The following MYO15B variants were observed in gnomAD, a reference collection of about 807,000 sequenced individuals.
MYO15B encodes the protein myosin XVB.
In MYO15B, 207 loss-of-function variants were observed where a neutral mutation model predicts 119.3. The observed-to-expected ratio is 1.73, with a 90% CI of 1.55 to 1.95. The LOEUF is 1.95. MYO15B is among the 30% of genes most tolerant of loss of function. The pLI, the probability that MYO15B is intolerant of heterozygous loss-of-function variation, is 0.00. For missense variants in MYO15B, 2,264 were observed against 1,203.1 expected, an observed-to-expected ratio of 1.88 and a Z score of -13.04; for synonymous variants, 966 against 498.9, an observed-to-expected ratio of 1.94 and a Z score of -12.48.
intron 1 of MYO15B, 68 bp downstream of exon 1, chr17:75,590,311 C>T (rs2056353068): frequency 2.5e-6 from 1 of 398,978 alleles, no homozygotes; most frequent in Non-Finnish European, 4.4e-6. Flanking sequence ...CTGCCCTCAT[C>T]TTTATGAATT....
rs552145291 is a variant in MYO15B, at chr17:75,616,407, G to C, written c.6205G>C (p.Glu2069Gln). ...GGAGGAGGAGGAGGAGGAGGAGGAG[G>C]AGGAGGAGCAGGAGGAGCAAGAAGT... The change falls in exon 38 of 64, where the codon GAG becomes CAG. Residue 2069 changes from glutamate (E) to glutamine (Q), a missense_variant. By Grantham distance (29) the Glu-to-Gln change is conservative. Coordinates refer to ENST00000645453, the Ensembl canonical transcript of MYO15B. 94 of 625,348 alleles carry C rather than the reference G, an allele frequency of 1.5e-4. 1 individual carries two copies. Among genetic ancestry groups the C allele is most frequent in the South Asian group, 5.5e-4 (29 of 52,948 alleles). The allele number at this position is 625,348 out of a possible 1,614,324, so 38.7% of individuals were successfully genotyped here. A position where few individuals can be genotyped will look rare whatever the true frequency, so the allele number is the denominator to read the frequency against.
chr17:75,603,396 T>C (rs951835640), intron 19 of MYO15B, 84 bp downstream of exon 19: 5 of 674,520 alleles, frequency 7.4e-6, no homozygotes, highest in South Asian at 6.4e-5. Flanking sequence ...TGATTGGAGA[T>C]GGACTCACTC....
At chr17:75,619,548 C>G (rs1428943969) in intron 45 of MYO15B, 72 bp downstream of exon 45, 2 of 686,444 alleles carry the variant, frequency 2.9e-6, no homozygotes, top group African/African-American at 1.8e-5. Flanking sequence ...TGGGCACAGA[C>G]CACAAGCAGG....
At chr17:75,625,046 G>A (rs1432360784) in intron 59 of MYO15B, 77 bp from the exon 60 acceptor site, 4 of 658,728 alleles carry the variant, frequency 6.1e-6, no homozygotes, top group Non-Finnish European at 1.1e-5. Flanking sequence ...GGCAAAAGGA[G>A]GCTTGAGCCT....
Position 75,591,719 on chromosome 17 carries a change from G to C in MYO15B, c.2547+7G>C, listed in dbSNP as rs983533540. 6.3e-5 allele frequency: 44 copies of C among 702,808 alleles called. No individual in the cohort carries two copies. The Admixed American group carries it at 8.8e-4, about 14-fold the overall frequency. 43.5% of individuals were successfully genotyped at this position (702,808 alleles called of 1,614,324 possible). On this transcript the variant is annotated splice_region_variant and intron_variant, in intron 5 of 63. Transcript: ENST00000645453. ...GGGGAACCGAGAGTGTCAGGTGAGG[G>C]CCAGGCTGGAGGTACCTCATGGGTT...
At chr17:75,624,814 C>T (rs1043567359) in exon 59 of MYO15B, 13 of 702,848 alleles carry the variant, frequency 1.8e-5, no homozygotes, top group African/African-American at 1.2e-4. Context: ...ACCTCAACAG[C>T]GTGGTAGTGG....
Position 75,621,161 on chromosome 17 carries a change from G to A in MYO15B, c.7856G>A (p.Arg2619Gln), listed in dbSNP as rs1004896220. 14 of 696,692 alleles carry A rather than the reference G, an allele frequency of 2.0e-5. 1 individual carries two copies. Among genetic ancestry groups the A allele is most frequent in the Admixed American group, 1.0e-4 (5 of 49,704 alleles). The allele number at this position is 696,692 out of a possible 1,614,324, so 43.2% of individuals were successfully genotyped here. The change falls in exon 50 of 64, where the codon CGG (arginine) becomes CAG (glutamine). Residue 2619 changes from arginine to glutamine, a missense_variant. Coordinates refer to ENST00000645453, the Ensembl canonical transcript of MYO15B. Reference sequence around the variant, plus strand: ...CAGGAATTCGCCCGGCGTTACTTCCGGAGGTCCCAGGCCTTGTGAGTGCAC... The same window carrying A: ...CAGGAATTCGCCCGGCGTTACTTCCAGAGGTCCCAGGCCTTGTGAGTGCAC...
At chr17:75,603,412 A>G in intron 19 of MYO15B, 100 bp downstream of exon 19, 4 of 646,192 alleles carry the variant, frequency 6.2e-6, no homozygotes, top group East Asian at 2.7e-5. Flanking sequence ...CACTCTGCCC[A>G]GGACTGGGCC....
At chr17:75,593,874 A>G (rs370240745) in intron 9 of MYO15B, among the ~76,000 whole-genome samples, 69 of 147,966 alleles carry the variant, frequency 4.7e-4, no homozygotes, top group African/African-American at 1.6e-3. Context: ...AGCCAAGACT[A>G]TGCCATTGCA....
At chr17:75,605,253 C>G (rs989177718) in intron 19 of MYO15B, among the ~76,000 whole-genome samples, 2 of 151,052 alleles carry the variant, frequency 1.3e-5, no homozygotes, top group African/African-American at 4.9e-5. Context: ...CTGGCTAACA[C>G]GGTGAAACCC....
At chr17:75,588,948 C>T (rs910918486) in exon 1 of MYO15B, 1 of 398,226 alleles carries the variant, frequency 2.5e-6, no homozygotes, top group African/African-American at 2.1e-5. Context: ...CCTCGACGGC[C>T]CGGGCTCCGC....
chr17:75,613,470 C>T (rs369720430), exon 28 of MYO15B: 9 of 679,034 alleles, frequency 1.3e-5, no homozygotes, highest in South Asian at 6.2e-5. Flanking sequence ...TCACCTTCAG[C>T]GGTGAGGGCT....
intron 12 of MYO15B, among the ~76,000 whole-genome samples, chr17:75,595,930 G>T (rs138573887): frequency 7.0e-4 from 106 of 152,362 alleles, no homozygotes; most frequent in African/African-American, 2.4e-3. Context: ...CCCCTGTTCT[G>T]TCCCACAATC....
chr17:75,619,251 T>G, intron 44 of MYO15B, 33 bp downstream of exon 44: 1 of 702,594 alleles, frequency 1.4e-6, no homozygotes, highest in Non-Finnish European at 2.6e-6. Context: ...GTTGGGAGCT[T>G]GAGTGCTGGG....
At chr17:75,615,466 T>C (rs1486226975) in intron 34 of MYO15B, 37 bp from the exon 35 acceptor site, 7 of 675,194 alleles carry the variant, frequency 1.0e-5, no homozygotes, top group African/African-American at 7.0e-5. Context: ...AGGCTGGCCA[T>C]GGTGCCCACC....
chr17:75,624,659 C>A lies in MYO15B; in HGVS notation c.8542+20C>A. 1.4e-6 allele frequency: 1 copy of A among 703,022 alleles called. No homozygotes were observed. The allele number at this position is 703,022 out of a possible 1,614,324, so 43.5% of individuals were successfully genotyped here. A position where few individuals can be genotyped will look rare whatever the true frequency, so the allele number is the denominator to read the frequency against. On this transcript the variant is annotated intron_variant, in intron 58 of 63. Transcript: ENST00000645453. Reference sequence around the variant, plus strand: ...AGAAGAGTAAGCTTGGGGACGGAGCCTCACGGTGGGGCCACTCCCCTGCCC... The same window carrying A: ...AGAAGAGTAAGCTTGGGGACGGAGCATCACGGTGGGGCCACTCCCCTGCCC...
In MYO15B at chr17:75,592,218, C is replaced by T. The variant is rs928830941; in HGVS notation, c.2652-20C>T. 1.7e-5 allele frequency: 12 copies of T among 702,500 alleles called. No individual in the cohort carries two copies. The highest frequency in any genetic ancestry group is 5.2e-5 in the African/African-American group (3 of 57,220). 43.5% of individuals were successfully genotyped at this position (702,500 alleles called of 1,614,324 possible). On this transcript the variant is annotated intron_variant, in intron 6 of 63. Coordinates refer to ENST00000645453, the Ensembl canonical transcript of MYO15B. The stretch of plus-strand genomic sequence containing the variant: ...GTGTTCTGCATCCTGGGCACTCACA[C>T]CCATCTTCTGTGCCCACAGAGGGGT...
exon 3 of MYO15B, chr17:75,591,009 A>G: frequency 1.6e-6 from 1 of 608,036 alleles, no homozygotes; most frequent in Non-Finnish European, 3.0e-6. Context: ...GGCCCTCAGC[A>G]CCACTCCGTA....
Position 75,589,633 on chromosome 17 carries a change from C to G in MYO15B, c.1576C>G (p.Pro526Ala). 2.5e-6 allele frequency: 1 copy of G among 399,004 alleles called. No individual in the cohort carries two copies. 24.7% of individuals were successfully genotyped at this position (399,004 alleles called of 1,614,324 possible). ...CCGCTCCCCGCAGGTCCCGACAAGC[C>G]CAGTCCCCGGCGACCCTTTTGATCA... Residue 526 changes from proline (P) to alanine (A), a missense_variant, in exon 1 of 64, where the codon CCA becomes GCA. Transcript: ENST00000645453. This position sits in a 1 kb window ranked among gnomAD's most constrained non-coding sequence, Gnocchi z 4.2.
Sources: gnomAD v4.1 joint callset for allele counts (sites outside exome capture counted in the v4.1 genomes callset) on GRCh38, gnomAD v4.1.1 for gene constraint, Gnocchi (gnomAD v3.1) non-coding constraint, MANE v1.5 for transcripts, NCBI Gene and HGNC (gene_info 2026-07-23, HGNC 2026-07-21) for gene names.